SLC28A3: variants seen among roughly 807,000 people sequenced by gnomAD.
SLC28A3 encodes the protein concentrative Na(+)-nucleoside cotransporter 3.
In SLC28A3, 68 loss-of-function variants were observed where a neutral mutation model predicts 84.2. That is an observed-to-expected ratio of 0.81 (90% confidence interval 0.66 to 0.99). SLC28A3 has a LOEUF of 0.99. SLC28A3 is among the 50% of genes least tolerant of loss of function. SLC28A3 has a pLI of 0.00. For missense variants in SLC28A3, 712 were observed against 841.5 expected, an observed-to-expected ratio of 0.85 and a Z score of 1.90; for synonymous variants, 267 against 303.6, an observed-to-expected ratio of 0.88 and a Z score of 1.25.
At chr9:84,348,353 C>CA in the SLC28A3 span, among the ~76,000 whole-genome samples, 3,464 of 105,426 alleles carry the variant, frequency 0.033, 152 homozygotes, top group African/African-American at 0.11. Context: ...GACTCCGTCT[C>CA]AAAAAAAAAA....
chr9:84,283,393 T>G (rs1188772338), intron 14 of SLC28A3, among the ~76,000 whole-genome samples: 1 of 152,248 alleles, frequency 6.6e-6, no homozygotes, highest in Non-Finnish European at 1.5e-5. Flanking sequence ...CTTATCAGCA[T>G]GGGACTGGTT....
intron 1 of SLC28A3, among the ~76,000 whole-genome samples, chr9:84,329,324 A>G (rs1826687858): frequency 6.6e-6 from 1 of 152,250 alleles, no homozygotes. Context: ...AGAGATGGTC[A>G]GTAAGAAAAT....
chr9:84,300,498 C>G (rs1825585830), intron 5 of SLC28A3, among the ~76,000 whole-genome samples: 1 of 152,216 alleles, frequency 6.6e-6, no homozygotes. Context: ...CTGGGGAGCC[C>G]AGCAAGCATG....
At chr9:84,296,320 G>A (rs567972377) in intron 8 of SLC28A3, among the ~76,000 whole-genome samples, 1 of 152,292 alleles carries the variant, frequency 6.6e-6, no homozygotes, top group South Asian at 2.1e-4. Context: ...CTTACAAACA[G>A]CAGAGGTTCT....
chr9:84,344,350 G>A (rs1027572072), upstream of SLC28A3, among the ~76,000 whole-genome samples: 3 of 151,770 alleles, frequency 2.0e-5, no homozygotes, highest in African/African-American at 7.3e-5. Context: ...CACCATGCCT[G>A]GCTAATTTTT....
At position 84,326,678 on chromosome 9, in the gene SLC28A3, CAACA is replaced by C. The variant is rs1405289452; in HGVS notation, c.61-13228_61-13225del. On this transcript the variant is annotated intron_variant, in intron 1 of 17. Coordinates refer to ENST00000376238, the MANE Select transcript of SLC28A3 (RefSeq NM_001199633.2). ...ACAACAACAACAACAACAACAACAA[CAACA>C]ACCAGGTCTTACTCTCTGTTCAATC... Among the ~76,000 whole-genome samples the C allele has an allele frequency of 2.4e-4, 34 of 139,068 alleles. 1 individual carries two copies. The highest frequency in any genetic ancestry group is 7.5e-4 in the African/African-American group (28 of 37,352). 91.2% of individuals were successfully genotyped at this position (139,068 alleles called of 152,430 possible).
intron 9 of SLC28A3, 50 bp downstream of exon 9, chr9:84,294,145 T>G: frequency 2.4e-4 from 376 of 1,553,960 alleles, no homozygotes; most frequent in Non-Finnish European, 3.0e-4. Context: ...ACTTCGTGCC[T>G]GAGATAATCA....
At chr9:84,325,737 T>C (rs1193498237) in intron 1 of SLC28A3, among the ~76,000 whole-genome samples, 2 of 152,208 alleles carry the variant, frequency 1.3e-5, no homozygotes, top group Non-Finnish European at 2.9e-5. Context: ...TTCAGGTGCA[T>C]TTCCTGGCTT....
Position 84,299,710 on chromosome 9 carries a change from G to A in SLC28A3, c.540C>T (p.Ser180=), listed in dbSNP as rs1386103313. 1.3e-5 allele frequency: 21 copies of A among 1,601,748 alleles called. No homozygotes were observed. In the Admixed American group the frequency reaches 3.7e-4, roughly 28 times the overall value. ...ACCAGAAAATAACTGCTAGGACCAG[G>A]GAGCTCCAGATCACCCTAAGAGAAG... ...WFWLKWVIWS[S]LVLAVIFWLA... Residue 180 remains serine (S), a synonymous_variant, in exon 6 of 18, where the codon TCC becomes TCT. Coordinates refer to ENST00000376238, the MANE Select transcript of SLC28A3 (RefSeq NM_001199633.2).
intron 11 of SLC28A3, among the ~76,000 whole-genome samples, chr9:84,289,153 C>A (rs1483966921): frequency 6.6e-6 from 1 of 152,176 alleles, no homozygotes; most frequent in African/African-American, 2.4e-5. Flanking sequence ...CCCCCCAGAA[C>A]ATTTTTGAGG....
At position 84,297,287 on chromosome 9, in the gene SLC28A3, C is replaced by A. The variant is rs1029931146; in HGVS notation, c.795G>T (p.Glu265Asp). The A allele has an allele frequency of 6.2e-7, 1 of 1,612,156 alleles. No individual in the cohort carries two copies. Among genetic ancestry groups the A allele is most frequent in the African/African-American group, 1.3e-5 (1 of 74,840 alleles). ...CAAATGAAGCACCAGCATCTGTGTA[C>A]TCCAGAAAAGTCTGAGTTAAAGAAA... ...WLGRQVQTFL[E>D]YTDAGASFVF... is the part of the protein sequence containing the mutation. The change falls in exon 8 of 18, where the codon GAG (glutamate) becomes GAT (aspartate). Residue 265 changes from glutamate (E) to aspartate (D), a missense_variant. Physicochemically the swap from Glu to Asp is conservative, Grantham distance 45. Transcript: ENST00000376238.
chr9:84,353,051 T>C, the SLC28A3 span, among the ~76,000 whole-genome samples: 1 of 152,230 alleles, frequency 6.6e-6, no homozygotes, highest in East Asian at 1.9e-4. Context: ...ATGAGATTTG[T>C]CATTATCAGG....
intron 1 of SLC28A3, among the ~76,000 whole-genome samples, chr9:84,317,002 A>AAACAACAACAACAACAAC (rs56145118): frequency 2.3e-4 from 35 of 150,276 alleles, no homozygotes; most frequent in African/African-American, 8.6e-4. Context: ...CTCCGTCTCA[A>AAACAACAACAACAACAAC]AACAACAACA....
chr9:84,361,654 C>G, the SLC28A3 span, among the ~76,000 whole-genome samples: 3 of 151,992 alleles, frequency 2.0e-5, no homozygotes, highest in South Asian at 6.2e-4. Flanking sequence ...ATAAACCTAT[C>G]TTAGAGGATC....
chr9:84,283,416 G>A (rs993136990), intron 14 of SLC28A3, among the ~76,000 whole-genome samples: 12 of 152,192 alleles, frequency 7.9e-5, no homozygotes, highest in Non-Finnish European at 1.3e-4. Flanking sequence ...GATGAATTAC[G>A]GTGTGCTATA....
At chr9:84,289,632 G>T (rs1218643990) in intron 11 of SLC28A3, among the ~76,000 whole-genome samples, 1 of 152,220 alleles carries the variant, frequency 6.6e-6, no homozygotes, top group African/African-American at 2.4e-5. Context: ...GAGAATCACT[G>T]CTCTAGACCA....
chr9:84,278,723 G>T (rs1030837374), intron 17 of SLC28A3, among the ~76,000 whole-genome samples: 4 of 152,216 alleles, frequency 2.6e-5, no homozygotes, highest in Middle Eastern at 6.8e-3. Flanking sequence ...GTGTTGTCTG[G>T]ACAGCCTGGA....
chr9:84,306,994 C>CAAAAA (rs150442323), intron 3 of SLC28A3, among the ~76,000 whole-genome samples: 3 of 25,940 alleles, frequency 1.2e-4, no homozygotes, highest in Non-Finnish European at 2.1e-4. Context: ...CTTGTCTCTA[C>CAAAAA]AAAAAAAAAA....
intron 1 of SLC28A3, among the ~76,000 whole-genome samples, chr9:84,319,815 T>C (rs10735568): frequency 0.89 from 135,559 of 152,120 alleles, 60,729 homozygotes; most frequent in East Asian, 1. Context: ...GAGAAGCTGT[T>C]CTGAGAGCAA....
Sources: gnomAD v4.1 joint callset for allele counts (sites outside exome capture counted in the v4.1 genomes callset) on GRCh38, gnomAD v4.1.1 for gene constraint, MANE v1.5 for transcripts, NCBI Gene and HGNC (gene_info 2026-07-23, HGNC 2026-07-21) for gene names.